KIAA0825: variants seen among roughly 807,000 people sequenced by gnomAD.
KIAA0825 encodes the protein uncharacterized protein KIAA0825.
A neutral mutation model predicts 147.6 loss-of-function variants in KIAA0825; 119 were observed. The observed-to-expected ratio is 0.81, with a 90% CI of 0.69 to 0.94. The LOEUF is 0.94. Among genes scored for constraint, KIAA0825 ranks in the 40% least tolerant of loss-of-function variants. The pLI, the probability that KIAA0825 is intolerant of heterozygous loss-of-function variation, is 0.00. For missense variants in KIAA0825, 1,381 were observed against 1,472.7 expected (o/e 0.94, Z 1.02); for synonymous variants, 470 against 518.1 (o/e 0.91, Z 1.26).
chr5:94,242,984 A>G (rs977928293), intron 20 of KIAA0825, among the ~76,000 whole-genome samples: 5 of 151,928 alleles, frequency 3.3e-5, no homozygotes, highest in Non-Finnish European at 5.9e-5. Flanking sequence ...TCTGTTGAGC[A>G]TTTTTCTGTT....
At chr5:94,273,584 C>A (rs966057227) in intron 20 of KIAA0825, among the ~76,000 whole-genome samples, 7 of 152,036 alleles carry the variant, frequency 4.6e-5, no homozygotes, top group African/African-American at 7.2e-5. Context: ...GTTTCAGTGT[C>A]CCAAATAGAA....
chr5:94,180,400 A>G (rs141322449), intron 20 of KIAA0825, among the ~76,000 whole-genome samples: 137 of 152,280 alleles, frequency 9.0e-4, no homozygotes, highest in African/African-American at 3.2e-3. Flanking sequence ...GAGATATGAC[A>G]ACTAAATGTA....
intron 20 of KIAA0825, among the ~76,000 whole-genome samples, chr5:94,310,497 G>A (rs1210919455): frequency 6.6e-6 from 1 of 151,364 alleles, no homozygotes; most frequent in African/African-American, 2.4e-5. Context: ...AATAGTTTTT[G>A]TTCTTAGTAA....
chr5:94,281,289 A>T (rs1032504673), intron 20 of KIAA0825, among the ~76,000 whole-genome samples: 1 of 151,988 alleles, frequency 6.6e-6, no homozygotes, highest in African/African-American at 2.4e-5. Flanking sequence ...CATTTAAAGT[A>T]TAGACATAAA....
At chr5:94,346,295 G>A (rs1043988590) in intron 20 of KIAA0825, among the ~76,000 whole-genome samples, 1 of 152,150 alleles carries the variant, frequency 6.6e-6, no homozygotes. Context: ...GATCAAATTA[G>A]ATAACAAGCA....
intron 2 of KIAA0825, among the ~76,000 whole-genome samples, chr5:94,552,393 T>C (rs1009753505): frequency 1.4e-4 from 22 of 152,078 alleles, no homozygotes; most frequent in African/African-American, 5.1e-4. Flanking sequence ...ACATTGGATT[T>C]AAACAGACAA....
chr5:94,489,757 G>T (rs1763498657), intron 5 of KIAA0825, among the ~76,000 whole-genome samples: 6 of 151,644 alleles, frequency 4.0e-5, no homozygotes, highest in Admixed American at 3.9e-4. Flanking sequence ...GTGGTGGTGT[G>T]CACCTGTAGT....
chr5:94,242,001 C>T (rs1775369636), intron 20 of KIAA0825, among the ~76,000 whole-genome samples: 1 of 152,180 alleles, frequency 6.6e-6, no homozygotes, highest in Non-Finnish European at 1.5e-5. Flanking sequence ...GCAAATAACT[C>T]ATTTATATGG....
At chr5:94,453,588 G>A (rs1758710152) in intron 12 of KIAA0825, among the ~76,000 whole-genome samples, 2 of 152,028 alleles carry the variant, frequency 1.3e-5, no homozygotes, top group South Asian at 2.1e-4. Context: ...GGGGCCAGGT[G>A]GGCAAGTCAG....
chr5:94,554,691 T>C (rs1027113986), intron 2 of KIAA0825, among the ~76,000 whole-genome samples: 1 of 143,762 alleles, frequency 7.0e-6, no homozygotes, highest in Non-Finnish European at 1.5e-5. Flanking sequence ...GTAGCACTTA[T>C]ATGAGCCAGG....
intron 20 of KIAA0825, among the ~76,000 whole-genome samples, chr5:94,367,466 C>T (rs1452641150): frequency 6.6e-6 from 1 of 152,034 alleles, no homozygotes; most frequent in East Asian, 1.9e-4. Context: ...CCATTGCACT[C>T]CAGCCTGGGC....
At chr5:94,478,451 T>TCACACACACACACA (rs6149119) in intron 6 of KIAA0825, among the ~76,000 whole-genome samples, 1,666 of 146,222 alleles carry the variant, frequency 0.011, 30 homozygotes, top group African/African-American at 0.039. Context: ...CACATGTGCA[T>TCACACACACACACA]CACACACACA....
At chr5:94,543,043 T>C (rs1773642189) in intron 2 of KIAA0825, among the ~76,000 whole-genome samples, 1 of 152,176 alleles carries the variant, frequency 6.6e-6, no homozygotes, top group African/African-American at 2.4e-5. Context: ...AATGTCACTT[T>C]CTAATAGAGC....
intron 15 of KIAA0825, chr5:94,413,208 C>T (rs964812191): frequency 6.6e-6 from 1 of 152,090 alleles, no homozygotes; most frequent in Non-Finnish European, 1.5e-5. Context: ...CTTTGGCCTC[C>T]CAAAGTGCTG....
At chr5:94,439,461 C>G (rs1228672241) in intron 14 of KIAA0825, among the ~76,000 whole-genome samples, 4 of 152,282 alleles carry the variant, frequency 2.6e-5, no homozygotes, top group Middle Eastern at 3.4e-3. Context: ...TCTTATACTA[C>G]TCCTCGATTT....
chr5:94,365,281 G>T (rs1318856703), intron 20 of KIAA0825, among the ~76,000 whole-genome samples: 1 of 152,252 alleles, frequency 6.6e-6, no homozygotes, highest in South Asian at 2.1e-4. Context: ...CACTTCTTGT[G>T]TTTGCGTCCT....
chr5:94,389,498 T>C (rs1404116054), intron 18 of KIAA0825, among the ~76,000 whole-genome samples: 3 of 152,148 alleles, frequency 2.0e-5, no homozygotes, highest in Non-Finnish European at 4.4e-5. Context: ...CATCTTATCT[T>C]TATCTCAAAG....
chr5:94,264,958 T>C (rs1205868181), intron 20 of KIAA0825, among the ~76,000 whole-genome samples: 1 of 151,866 alleles, frequency 6.6e-6, no homozygotes, highest in Non-Finnish European at 1.5e-5. Flanking sequence ...AATTTTTGCA[T>C]TTTTAGTAGA....
At chr5:94,404,372 A>G (rs1409313333) in intron 15 of KIAA0825, among the ~76,000 whole-genome samples, 2 of 152,156 alleles carry the variant, frequency 1.3e-5, no homozygotes, top group African/African-American at 4.8e-5. Context: ...AATAATTAAA[A>G]GCTGTACTCT....
Sources: gnomAD v4.1 joint callset for allele counts (sites outside exome capture counted in the v4.1 genomes callset) on GRCh38, gnomAD v4.1.1 for gene constraint, MANE v1.5 for transcripts, NCBI Gene and HGNC (gene_info 2026-07-23, HGNC 2026-07-21) for gene names.